The following STAG1 variants were observed in gnomAD, a reference collection of about 807,000 sequenced individuals.
STAG1 encodes the protein STAG1 cohesin complex component.
Under a neutral mutation model 170.9 loss-of-function variants are expected in STAG1, and 26 were observed. That is an observed-to-expected ratio of 0.15 (90% confidence interval 0.11 to 0.21). STAG1 has a LOEUF of 0.21. STAG1 is among the 10% of genes least tolerant of loss of function. The pLI, the probability that STAG1 is intolerant of heterozygous loss-of-function variation, is 1.00. For synonymous variants in STAG1, 514 were observed against 497.7 expected, an observed-to-expected ratio of 1.03 and a Z score of -0.44; for missense variants, 964 against 1,509.5, an observed-to-expected ratio of 0.64 and a Z score of 5.99.
chr3:136,698,684 T>A (rs1942967151), intron 1 of STAG1, among the ~76,000 whole-genome samples: 1 of 152,184 alleles, frequency 6.6e-6, no homozygotes, highest in South Asian at 2.1e-4. Context: ...TATCAAATGA[T>A]TCCGTTTGTA....
At chr3:136,603,669 G>A (rs996696720) in intron 4 of STAG1, among the ~76,000 whole-genome samples, 9 of 152,134 alleles carry the variant, frequency 5.9e-5, no homozygotes, top group Admixed American at 2.6e-4. Context: ...TGGATCACGA[G>A]GTCAGCAGAT....
chr3:136,470,286 C>T (rs1009746637), intron 12 of STAG1, among the ~76,000 whole-genome samples: 2 of 152,114 alleles, frequency 1.3e-5, no homozygotes, highest in African/African-American at 4.8e-5. Flanking sequence ...AACAAATTTA[C>T]AAGAGAAAAA....
At chr3:136,533,741 G>T (rs1935488651) in intron 6 of STAG1, among the ~76,000 whole-genome samples, 1 of 152,158 alleles carries the variant, frequency 6.6e-6, no homozygotes, top group African/African-American at 2.4e-5. Flanking sequence ...CGACACTGGG[G>T]ATTACATTTC....
intron 25 of STAG1, among the ~76,000 whole-genome samples, chr3:136,363,930 A>G (rs1936976863): frequency 6.6e-6 from 1 of 151,702 alleles, no homozygotes; most frequent in African/African-American, 2.4e-5. Flanking sequence ...ATTTTTTTAA[A>G]AAATATTTTG....
chr3:136,582,168 G>A (rs1261550171), intron 4 of STAG1, among the ~76,000 whole-genome samples: 3 of 132,136 alleles, frequency 2.3e-5, no homozygotes, highest in East Asian at 5.0e-4. Context: ...CCTGCTATAG[G>A]AAAACATTTA....
intron 21 of STAG1, among the ~76,000 whole-genome samples, chr3:136,412,458 T>C (rs1214520696): frequency 3.9e-5 from 6 of 152,238 alleles, no homozygotes; most frequent in Non-Finnish European, 7.3e-5. Context: ...AGAATACGTC[T>C]ACAGCTCACT....
chr3:136,737,506 G>C (rs1006945895), intron 1 of STAG1, among the ~76,000 whole-genome samples: 4 of 152,172 alleles, frequency 2.6e-5, no homozygotes, highest in Admixed American at 2.0e-4. Flanking sequence ...CCAAAGTGTT[G>C]GGATTACAGG....
At chr3:136,578,830 A>G (rs1333129654) in intron 4 of STAG1, among the ~76,000 whole-genome samples, 1 of 152,210 alleles carries the variant, frequency 6.6e-6, no homozygotes, top group Non-Finnish European at 1.5e-5. Context: ...CCCCACTTCC[A>G]GAATGTGTAA....
At chr3:136,560,412 G>A (rs1206775220) in intron 5 of STAG1, among the ~76,000 whole-genome samples, 1 of 152,178 alleles carries the variant, frequency 6.6e-6, no homozygotes, top group Admixed American at 6.5e-5. Flanking sequence ...AATATATGGA[G>A]AACATATCTT....
At chr3:136,382,397 C>T (rs1309709986) in intron 22 of STAG1, among the ~76,000 whole-genome samples, 3 of 148,778 alleles carry the variant, frequency 2.0e-5, no homozygotes, top group Admixed American at 6.7e-5. Context: ...ACAACCAAGG[C>T]TTTCTTTTTT....
At chr3:136,666,933 T>A (rs368682999) in intron 1 of STAG1, among the ~76,000 whole-genome samples, 1 of 151,804 alleles carries the variant, frequency 6.6e-6, no homozygotes, top group African/African-American at 2.4e-5. Flanking sequence ...CAGCTGAGCA[T>A]CTAGAAAGAA....
rs1366248391 is a variant in STAG1, at chr3:136,337,098, A to G, written c.*1156T>C. The G allele has an allele frequency of 6.5e-6, 1 of 152,684 alleles. No individual in the cohort carries two copies. The highest frequency in any genetic ancestry group is 1.5e-5 in the Non-Finnish European group (1 of 68,054). The allele number at this position is 152,684 out of a possible 1,614,324, so 9.5% of individuals were successfully genotyped here. Reference sequence around the variant, plus strand: ...CAAAAGAATTATTCTTAATATGCACATTTAACACTGAAATGTAGCTGTAAT... The same window carrying G: ...CAAAAGAATTATTCTTAATATGCACGTTTAACACTGAAATGTAGCTGTAAT... On this transcript the variant is annotated 3_prime_UTR_variant, in exon 34 of 34. Coordinates refer to ENST00000383202, the MANE Select transcript of STAG1 (RefSeq NM_005862.3).
chr3:136,618,251 T>C (rs1051187718), intron 3 of STAG1, among the ~76,000 whole-genome samples: 1 of 152,130 alleles, frequency 6.6e-6, no homozygotes. Context: ...CTCTTTAAAT[T>C]AGCCAATCGG....
At position 136,507,863 on chromosome 3, in the gene STAG1, G is replaced by A. The variant is rs1381696657; in HGVS notation, c.677-5084C>T. ...TTTCTAAAATCACCAGGACAATGTG[G>A]TATTCCAGAAAACAAGTGAAGACAG... On this transcript the variant is annotated intron_variant, in intron 7 of 33. Coordinates refer to ENST00000383202, the MANE Select transcript of STAG1 (RefSeq NM_005862.3). 3.3e-5 allele frequency among the ~76,000 whole-genome samples: 5 copies of A among 152,116 alleles called. No individual in the cohort carries two copies. In the East Asian group the frequency reaches 7.7e-4, roughly 23 times the overall value.
At chr3:136,376,748 C>A (rs1937624154) in intron 23 of STAG1, among the ~76,000 whole-genome samples, 1 of 152,160 alleles carries the variant, frequency 6.6e-6, no homozygotes, top group South Asian at 2.1e-4. Flanking sequence ...AAGGGTATGT[C>A]ATATGTCAGC....
intron 26 of STAG1, among the ~76,000 whole-genome samples, chr3:136,362,806 AT>A (rs979929035): frequency 2.0e-5 from 3 of 151,734 alleles, no homozygotes; most frequent in Admixed American, 2.0e-4. Flanking sequence ...ATAAACAGCT[AT>A]TTTTTTCAAA....
chr3:136,599,383 T>C (rs1236113848), intron 4 of STAG1, among the ~76,000 whole-genome samples: 1 of 151,866 alleles, frequency 6.6e-6, no homozygotes, highest in Non-Finnish European at 1.5e-5. Flanking sequence ...ATAAAAAAAT[T>C]AGCCGAGCAT....
intron 1 of STAG1, among the ~76,000 whole-genome samples, chr3:136,744,877 T>C (rs559378482): frequency 8.9e-4 from 136 of 152,238 alleles, no homozygotes; most frequent in African/African-American, 3.2e-3. Flanking sequence ...GGTTTCGCCA[T>C]GTTGGCCACA....
intron 6 of STAG1, among the ~76,000 whole-genome samples, chr3:136,535,687 C>G (rs770853014): frequency 2.0e-5 from 3 of 152,014 alleles, no homozygotes; most frequent in Non-Finnish European, 4.4e-5. Flanking sequence ...AGTAAACAAA[C>G]AAAACAAAAG....
Sources: allele counts gnomAD v4.1 joint callset (sites outside exome capture counted in the v4.1 genomes callset), GRCh38; gene constraint gnomAD v4.1.1; transcripts MANE v1.5; gene names NCBI Gene and HGNC (gene_info 2026-07-23, HGNC 2026-07-21).